The following NRXN3 variants were observed in gnomAD, a reference collection of about 807,000 sequenced individuals.
The protein encoded by NRXN3 is neurexin III.
A neutral mutation model predicts 137.6 loss-of-function variants in NRXN3; 32 were observed. That is an observed-to-expected ratio of 0.23 (90% CI 0.18 to 0.31). NRXN3 has a LOEUF of 0.31. Among genes scored for constraint, NRXN3 ranks in the 10% least tolerant of loss-of-function variants. The pLI is 1.00. For missense variants in NRXN3, 1,574 were observed against 2,062.5 expected (o/e 0.76, Z 4.59); for synonymous variants, 798 against 784.5 (o/e 1.02, Z -0.29).
intron 4 of NRXN3, among the ~76,000 whole-genome samples, chr14:78,338,981 T>G (rs1328551059): frequency 1.3e-5 from 2 of 152,158 alleles, no homozygotes; most frequent in African/African-American, 2.4e-5. Flanking sequence ...ATTGGCTTTT[T>G]GTATTGGACC....
chr14:78,203,803 G>GGTGTGTGTGTGTGTGT (rs3059003), intron 1 of NRXN3, among the ~76,000 whole-genome samples: 2 of 133,950 alleles, frequency 1.5e-5, no homozygotes, highest in African/African-American at 5.7e-5. Context: ...GATCCTTCCA[G>GGTGTGTGTGTGTGTGT]GTGTGTGTGT....
intron 4 of NRXN3, among the ~76,000 whole-genome samples, chr14:78,518,459 C>G (rs1172306080): frequency 2.6e-5 from 4 of 152,008 alleles, no homozygotes; most frequent in African/African-American, 9.7e-5. Flanking sequence ...ACTTTTGCTC[C>G]ATATGTGACA....
In NRXN3 at chr14:78,645,038, C is replaced by T. The variant is rs1404954460; in HGVS notation, c.758-82C>T. 19 of 1,235,606 alleles carry T rather than the reference C, an allele frequency of 1.5e-5. No individual in the cohort carries two copies. In the South Asian group the frequency reaches 1.9e-4, roughly 12 times the overall value. The allele number at this position is 1,235,606 out of a possible 1,614,324, so 76.5% of individuals were successfully genotyped here. ...GCACAAGAACGGGGCAGTGCCCCTG[C>T]GGTGTGTTCTCTTTGGTATTTGCAT... On this transcript the variant is annotated intron_variant, in intron 4 of 20. Coordinates refer to ENST00000335750, the MANE Select transcript of NRXN3 (RefSeq NM_001330195.2).
chr14:79,221,614 G>C (rs1017645505), intron 15 of NRXN3, among the ~76,000 whole-genome samples: 4 of 151,866 alleles, frequency 2.6e-5, no homozygotes, highest in African/African-American at 9.7e-5. Flanking sequence ...TTTTTTTCTT[G>C]TAAAATTTTT....
intron 20 of NRXN3, among the ~76,000 whole-genome samples, chr14:79,850,320 G>A (rs1283276960): frequency 1.3e-5 from 2 of 152,134 alleles, no homozygotes; most frequent in Non-Finnish European, 2.9e-5. Context: ...GTTATGTAAA[G>A]TAACTCACTG....
At chr14:79,488,574 A>G (rs1210996736) in intron 16 of NRXN3, among the ~76,000 whole-genome samples, 3 of 152,182 alleles carry the variant, frequency 2.0e-5, no homozygotes, top group African/African-American at 7.2e-5. Flanking sequence ...TGAGAGAAAA[A>G]CAGTAGACGG....
chr14:78,999,237 A>C (rs747437183), intron 15 of NRXN3, among the ~76,000 whole-genome samples: 3 of 152,154 alleles, frequency 2.0e-5, no homozygotes, highest in African/African-American at 7.2e-5. Flanking sequence ...GGAACCTTGC[A>C]TTATTGGTAC....
intron 16 of NRXN3, among the ~76,000 whole-genome samples, chr14:79,523,745 A>C (rs921002622): frequency 2.0e-5 from 3 of 152,196 alleles, no homozygotes; most frequent in Non-Finnish European, 4.4e-5. Context: ...AGATTTAGGG[A>C]CTAAGGTGGT....
intron 6 of NRXN3, among the ~76,000 whole-genome samples, chr14:78,693,043 A>T (rs2098188369): frequency 6.6e-6 from 1 of 151,982 alleles, no homozygotes; most frequent in South Asian, 2.1e-4. Flanking sequence ...AGATCATGCC[A>T]CTGCATTCCA....
chr14:78,941,241 C>T (rs2152910338), intron 10 of NRXN3, among the ~76,000 whole-genome samples: 1 of 152,282 alleles, frequency 6.6e-6, no homozygotes, highest in East Asian at 1.9e-4. Flanking sequence ...ATGATCTACG[C>T]TGCATCTAAC....
rs2099420637 is a variant in NRXN3, at chr14:78,967,373, T to C, written c.2943T>C (p.Asn981=). Residue 981 remains asparagine, a synonymous_variant, in exon 13 of 21, where the codon AAT becomes AAC. Coordinates refer to ENST00000335750, the MANE Select transcript of NRXN3 (RefSeq NM_001330195.2). ...CCAAAGTGGTCACTCAGGTTATCAA[T>C]GGTGCCAAAAATCTGGATTTGAAAG... ...VDTKVVTQVI[N]GAKNLDLKGD... is the part of the protein sequence containing the mutation. 17 of 1,613,522 alleles carry C rather than the reference T, an allele frequency of 1.1e-5. No homozygotes were observed. The highest frequency in any genetic ancestry group is 1.4e-5 in the Non-Finnish European group (16 of 1,179,722).
At chr14:79,300,543 G>T (rs2084960869) in intron 15 of NRXN3, among the ~76,000 whole-genome samples, 2 of 151,996 alleles carry the variant, frequency 1.3e-5, no homozygotes, top group Non-Finnish European at 2.9e-5. Flanking sequence ...ATTAGGCTGA[G>T]GAGCCTCACG....
At chr14:78,436,474 A>C (rs549804019) in intron 4 of NRXN3, among the ~76,000 whole-genome samples, 1 of 152,302 alleles carries the variant, frequency 6.6e-6, no homozygotes, top group Admixed American at 6.5e-5. Flanking sequence ...CATGCCAAAG[A>C]ACTATCAATG....
intron 15 of NRXN3, among the ~76,000 whole-genome samples, chr14:79,336,095 C>T (rs2153347063): frequency 6.6e-6 from 1 of 152,246 alleles, no homozygotes; most frequent in Admixed American, 6.5e-5. Context: ...TTTGGGGTAG[C>T]TTACAGAATC....
chr14:78,653,678 C>T (rs1344033376), intron 6 of NRXN3, among the ~76,000 whole-genome samples: 1 of 145,380 alleles, frequency 6.9e-6, no homozygotes, highest in Non-Finnish European at 1.5e-5. Context: ...TCTCTGATGA[C>T]TTTATCCATG....
At chr14:79,034,762 T>C (rs1452716952) in intron 15 of NRXN3, among the ~76,000 whole-genome samples, 1 of 152,136 alleles carries the variant, frequency 6.6e-6, no homozygotes, top group Non-Finnish European at 1.5e-5. Flanking sequence ...ATTTCAGATG[T>C]ATTAAAAATT....
intron 4 of NRXN3, among the ~76,000 whole-genome samples, chr14:78,346,563 C>T (rs561020462): frequency 1.3e-5 from 2 of 152,172 alleles, no homozygotes; most frequent in Non-Finnish European, 2.9e-5. Flanking sequence ...AGTTAAATGG[C>T]TTACATTCAC....
intron 4 of NRXN3, among the ~76,000 whole-genome samples, chr14:78,336,762 A>T (rs1475405201): frequency 6.6e-6 from 1 of 152,008 alleles, no homozygotes; most frequent in Non-Finnish European, 1.5e-5. Flanking sequence ...TCCACATATG[A>T]CCACCCCCAG....
At chr14:79,412,014 G>C (rs993930907) in intron 15 of NRXN3, among the ~76,000 whole-genome samples, 1 of 152,096 alleles carries the variant, frequency 6.6e-6, no homozygotes, top group East Asian at 1.9e-4. Flanking sequence ...GCCACTGTAG[G>C]GAGTAGTATA....
Sources: gnomAD v4.1 joint callset for allele counts (sites outside exome capture counted in the v4.1 genomes callset) on GRCh38, gnomAD v4.1.1 for gene constraint, MANE v1.5 for transcripts, NCBI Gene and HGNC (gene_info 2026-07-23, HGNC 2026-07-21) for gene names.